The following SPOCK3 variants were observed in gnomAD, a reference collection of about 807,000 sequenced individuals.
SPOCK3 encodes testican-3.
Under a neutral mutation model 56.6 loss-of-function variants are expected in SPOCK3, and 30 were observed. The observed-to-expected ratio is 0.53, with a 90% confidence interval of 0.40 to 0.72. SPOCK3 has a LOEUF of 0.72. SPOCK3 is among the 30% of genes least tolerant of loss of function. The pLI, the probability that SPOCK3 is intolerant of heterozygous loss-of-function variation, is 0.00. For missense variants in SPOCK3, 527 were observed against 530.0 expected, an observed-to-expected ratio of 0.99 and a Z score of 0.06; for synonymous variants, 196 against 183.3, an observed-to-expected ratio of 1.07 and a Z score of -0.56.
intron 2 of SPOCK3, among the ~76,000 whole-genome samples, chr4:167,095,360 T>C (rs1759061152): frequency 6.6e-6 from 1 of 152,098 alleles, no homozygotes; most frequent in South Asian, 2.1e-4. Context: ...AACAGTAATG[T>C]CATCAAAGAT....
intron 6 of SPOCK3, among the ~76,000 whole-genome samples, chr4:166,844,783 C>A (rs1331495950): frequency 6.6e-6 from 1 of 152,128 alleles, no homozygotes; most frequent in Non-Finnish European, 1.5e-5. Flanking sequence ...TATCTACCTG[C>A]CTACCTACCT....
intron 3 of SPOCK3, among the ~76,000 whole-genome samples, chr4:167,002,834 T>A (rs531153375): frequency 1.3e-5 from 2 of 152,202 alleles, no homozygotes; most frequent in South Asian, 2.1e-4. Context: ...TTCTAATGTT[T>A]AGCCTATGTT....
chr4:166,983,912 T>A (rs950266620), intron 4 of SPOCK3, among the ~76,000 whole-genome samples: 1 of 151,998 alleles, frequency 6.6e-6, no homozygotes, highest in African/African-American at 2.4e-5. Flanking sequence ...ATGTACTGAG[T>A]TGAAAATCTT....
intron 2 of SPOCK3, among the ~76,000 whole-genome samples, chr4:167,103,096 G>A (rs1759802830): frequency 6.6e-6 from 1 of 151,806 alleles, no homozygotes; most frequent in Non-Finnish European, 1.5e-5. Flanking sequence ...GAACACCCTG[G>A]GCCAGAAGGG....
chr4:167,104,845 A>T (rs1238288025), intron 2 of SPOCK3, among the ~76,000 whole-genome samples: 2 of 140,908 alleles, frequency 1.4e-5, no homozygotes, highest in Non-Finnish European at 3.2e-5. Context: ...AAGCAAAAAG[A>T]AAAAAAAAAA....
At chr4:167,112,971 C>T (rs1761029835) in intron 2 of SPOCK3, among the ~76,000 whole-genome samples, 1 of 152,086 alleles carries the variant, frequency 6.6e-6, no homozygotes, top group South Asian at 2.1e-4. Flanking sequence ...AACTAGATTT[C>T]CTCCCCTATC....
intron 7 of SPOCK3, 101 bp downstream of exon 7, chr4:166,792,069 C>T (rs1342781191): frequency 1.5e-6 from 2 of 1,315,466 alleles, no homozygotes; most frequent in Admixed American, 3.6e-5. Context: ...AGTATATATG[C>T]AGTGAATAAA....
intron 4 of SPOCK3, among the ~76,000 whole-genome samples, chr4:166,967,117 G>C (rs1744822127): frequency 1.3e-5 from 2 of 152,114 alleles, no homozygotes; most frequent in African/African-American, 4.8e-5. Flanking sequence ...CAAGTAGTTA[G>C]TTCCCTGATC....
intron 4 of SPOCK3, among the ~76,000 whole-genome samples, chr4:166,950,099 T>A (rs1189065848): frequency 6.6e-6 from 1 of 150,966 alleles, no homozygotes; most frequent in Non-Finnish European, 1.5e-5. Flanking sequence ...TAATTTTAAA[T>A]GTAAATGGAC....
At chr4:166,888,753 A>G (rs1439935574) in intron 6 of SPOCK3, among the ~76,000 whole-genome samples, 1 of 152,042 alleles carries the variant, frequency 6.6e-6, no homozygotes, top group East Asian at 1.9e-4. Context: ...GAGCAGTTGC[A>G]GATCTGATCA....
At chr4:167,126,470 C>A (rs148164386) in intron 2 of SPOCK3, among the ~76,000 whole-genome samples, 1 of 151,976 alleles carries the variant, frequency 6.6e-6, no homozygotes, top group Non-Finnish European at 1.5e-5. Context: ...AATTGCTTGA[C>A]CCCAGGAGGC....
intron 4 of SPOCK3, among the ~76,000 whole-genome samples, chr4:166,937,236 A>G (rs1410535891): frequency 6.6e-6 from 1 of 152,002 alleles, no homozygotes; most frequent in African/African-American, 2.4e-5. Flanking sequence ...TCGTGACTAG[A>G]AAATAAATGT....
At position 167,189,673 on chromosome 4, in the gene SPOCK3, A is replaced by G. The variant is rs368701187; in HGVS notation, c.189+44312T>C. On this transcript the variant is annotated intron_variant, in intron 2 of 10. Transcript: ENST00000357545. ...ATCTACTGTCTAAAAACACTCAAGTATATAATACAGTATTATTAACTACAG... is the reference window on the plus strand; with the variant it reads ...ATCTACTGTCTAAAAACACTCAAGTGTATAATACAGTATTATTAACTACAG... Among the ~76,000 whole-genome samples the G allele has an allele frequency of 4.7e-4, 68 of 144,608 alleles. 7 individuals are homozygous for G. Among genetic ancestry groups the G allele is most frequent in the African/African-American group, 1.7e-3 (65 of 37,308 alleles). 94.9% of individuals were successfully genotyped at this position (144,608 alleles called of 152,430 possible). A position where few individuals can be genotyped will look rare whatever the true frequency, so the allele number is the denominator to read the frequency against.
At chr4:166,809,883 T>C (rs1334134869) in intron 6 of SPOCK3, among the ~76,000 whole-genome samples, 1 of 152,072 alleles carries the variant, frequency 6.6e-6, no homozygotes, top group Non-Finnish European at 1.5e-5. Context: ...TTAAGTCTAC[T>C]CTGTAATCAT....
At chr4:166,929,929 T>C (rs1471448272) in intron 4 of SPOCK3, among the ~76,000 whole-genome samples, 2 of 152,174 alleles carry the variant, frequency 1.3e-5, no homozygotes, top group Non-Finnish European at 2.9e-5. Context: ...CATAGCAAAA[T>C]GTAGTGGTCT....
intron 4 of SPOCK3, among the ~76,000 whole-genome samples, chr4:166,977,086 G>A (rs528337606): frequency 6.6e-6 from 1 of 152,142 alleles, no homozygotes; most frequent in African/African-American, 2.4e-5. Flanking sequence ...ACAAAAAACA[G>A]AGCATCTGGT....
At chr4:166,985,929 C>G (rs1747109004) in intron 4 of SPOCK3, among the ~76,000 whole-genome samples, 1 of 152,126 alleles carries the variant, frequency 6.6e-6, no homozygotes, top group Non-Finnish European at 1.5e-5. Context: ...ATTACATTTT[C>G]TGTCTCTAGG....
chr4:166,953,830 T>C (rs980118615), intron 4 of SPOCK3, among the ~76,000 whole-genome samples: 7 of 99,420 alleles, frequency 7.0e-5, no homozygotes, highest in Non-Finnish European at 1.3e-4. Context: ...TAAACTATCG[T>C]AAGAACAAAA....
intron 4 of SPOCK3, among the ~76,000 whole-genome samples, chr4:166,935,754 ATAGT>A (rs909869229): frequency 1.3e-5 from 2 of 152,222 alleles, no homozygotes; most frequent in South Asian, 2.1e-4. Context: ...AAAAAGCCAC[ATAGT>A]TAGGAAGTAA....
Sources: gnomAD v4.1 joint callset for allele counts (sites outside exome capture counted in the v4.1 genomes callset) on GRCh38, gnomAD v4.1.1 for gene constraint, MANE v1.5 for transcripts, NCBI Gene and HGNC (gene_info 2026-07-23, HGNC 2026-07-21) for gene names.